NUP153: variants seen among roughly 807,000 people sequenced by gnomAD.
The protein encoded by NUP153 is nuclear pore complex protein Nup153.
NUP153 carries 27 observed loss-of-function variants against 134.6 expected under a neutral mutation model. The ratio of observed to expected loss-of-function variants is 0.20; its 90% CI spans 0.15 to 0.28. The LOEUF (loss-of-function observed/expected upper bound fraction) is 0.28. NUP153 is among the 10% of genes least tolerant of loss of function. NUP153 has a pLI of 1.00. For missense variants in NUP153, 1,821 were observed against 1,731.3 expected (o/e 1.05, Z -0.92); for synonymous variants, 640 against 623.5 (o/e 1.03, Z -0.40).
intron 1 of NUP153, among the ~76,000 whole-genome samples, chr6:17,689,768 G>A (rs1011317685): frequency 1.6e-4 from 24 of 151,746 alleles, no homozygotes; most frequent in African/African-American, 5.6e-4. Context: ...CAGGTGATCC[G>A]CCCACCTCTG....
chr6:17,663,106 T>C (rs967746601), intron 9 of NUP153, among the ~76,000 whole-genome samples: 2 of 152,098 alleles, frequency 1.3e-5, no homozygotes, highest in Non-Finnish European at 2.9e-5. Context: ...CTATGCATTA[T>C]GTAAGGGAAC....
At chr6:17,648,047 C>G (rs1766301820) in intron 12 of NUP153, 142 bp from the exon 13 acceptor site, 1 of 616,216 alleles carries the variant, frequency 1.6e-6, no homozygotes, top group African/African-American at 1.8e-5. Flanking sequence ...ACTTTAAATT[C>G]TGAAAAACAC....
intron 2 of NUP153, among the ~76,000 whole-genome samples, chr6:17,676,497 TTAAAA>T (rs1768230320): frequency 1.3e-5 from 2 of 152,136 alleles, no homozygotes; most frequent in Admixed American, 6.5e-5. Flanking sequence ...TATTAAATTA[TTAAAA>T]TAAATCATTT....
At chr6:17,632,923 G>A in intron 16 of NUP153, 79 bp from the exon 17 acceptor site, 1 of 1,030,430 alleles carries the variant, frequency 9.7e-7, no homozygotes, top group Non-Finnish European at 1.4e-6. Flanking sequence ...TATCTTAATG[G>A]CACTGCTAAG....
intron 1 of NUP153, among the ~76,000 whole-genome samples, chr6:17,705,835 C>T (rs1770447861): frequency 2.0e-5 from 3 of 151,930 alleles, no homozygotes. Flanking sequence ...TTCCAAGGGG[C>T]AGCCCCCCCT....
In NUP153 at chr6:17,625,579, C is replaced by T. The variant is rs576312247; in HGVS notation, c.3901+229G>A. ...AAGCTTAGAAAAATTAAGTATTACA[C>T]TCTTACCACAATTAGAAAAATTGCT... On this transcript the variant is annotated intron_variant, in intron 19 of 21. Transcript: ENST00000262077. This position sits in a 1 kb window ranked among gnomAD's most constrained non-coding sequence, Gnocchi z 4.7. Among the ~76,000 whole-genome samples, 3 of 152,168 alleles carry T rather than the reference C, an allele frequency of 2.0e-5. No homozygotes were observed. The South Asian group carries it at 6.2e-4, about 32-fold the overall frequency.
chr6:17,630,064 A>T (rs1015456359), intron 17 of NUP153, among the ~76,000 whole-genome samples: 6 of 152,234 alleles, frequency 3.9e-5, no homozygotes, highest in African/African-American at 9.6e-5. Flanking sequence ...AAAGGGGCAG[A>T]AAGGGAGTGC....
intron 20 of NUP153, among the ~76,000 whole-genome samples, chr6:17,621,962 A>T (rs1561850476): frequency 6.6e-6 from 1 of 151,938 alleles, no homozygotes; most frequent in Non-Finnish European, 1.5e-5. Context: ...ACTTTAAAAT[A>T]TTTTTTTAAA....
At chr6:17,622,626 GAAGA>G (rs1764704882) in intron 20 of NUP153, among the ~76,000 whole-genome samples, 2 of 151,866 alleles carry the variant, frequency 1.3e-5, no homozygotes, top group Admixed American at 6.6e-5. Flanking sequence ...TCTTTAACTG[GAAGA>G]AAGATCTCCT....
At chr6:17,661,957 TTAAA>T (rs1245921967) in intron 10 of NUP153, 57 bp downstream of exon 10, 1 of 1,342,040 alleles carries the variant, frequency 7.5e-7, no homozygotes, top group Non-Finnish European at 1.0e-6. Flanking sequence ...TACATGTAAA[TTAAA>T]TACAGACCTT....
intron 1 of NUP153, among the ~76,000 whole-genome samples, chr6:17,696,004 G>A (rs1162928474): frequency 1.0e-4 from 15 of 150,166 alleles, no homozygotes; most frequent in South Asian, 4.2e-4. Flanking sequence ...GTGAGACTCC[G>A]TCTCAAAAAA....
rs1486233712 is a variant in NUP153, at chr6:17,701,960, A to AC, written c.111+4316dup. On this transcript the variant is annotated intron_variant, in intron 1 of 21. Coordinates refer to ENST00000262077, the MANE Select transcript of NUP153 (RefSeq NM_005124.4). ...ATGTCTGAAGCATACTACCCACACC[A>AC]CCCCACCCCACCCCCATCCCGGGAC... Among the ~76,000 whole-genome samples the AC allele has an allele frequency of 9.0e-5, 13 of 144,490 alleles. No homozygotes were observed. The South Asian group carries it at 1.1e-3, about 12-fold the overall frequency. The allele number at this position is 144,490 out of a possible 152,430, so 94.8% of individuals were successfully genotyped here.
intron 14 of NUP153, among the ~76,000 whole-genome samples, chr6:17,640,946 T>C (rs1184300777): frequency 6.6e-6 from 1 of 151,990 alleles, no homozygotes; most frequent in East Asian, 1.9e-4. Flanking sequence ...CTTAAAAGTG[T>C]AGTTATGGGT....
chr6:17,668,352 T>A lies in NUP153; in HGVS notation c.1068+623A>T, dbSNP rs938990083. 3.0e-4 allele frequency among the ~76,000 whole-genome samples: 46 copies of A among 151,958 alleles called. 1 individual carries two copies. Among genetic ancestry groups the A allele is most frequent in the African/African-American group, 9.9e-4 (41 of 41,382 alleles). On this transcript the variant is annotated intron_variant, in intron 8 of 21. Transcript: ENST00000262077. Reference sequence around the variant, plus strand: ...GCCTGGGCCTCCCAAAGTGCTAGGATTACAGGCGTAAGCCACCGCACCTGG... The same window carrying A: ...GCCTGGGCCTCCCAAAGTGCTAGGAATACAGGCGTAAGCCACCGCACCTGG...
At chr6:17,701,991 G>C (rs924890710) in intron 1 of NUP153, among the ~76,000 whole-genome samples, 4 of 144,252 alleles carry the variant, frequency 2.8e-5, no homozygotes, top group Non-Finnish European at 5.9e-5. Flanking sequence ...GGGACAAAAA[G>C]GGCAAAAATA....
rs1768199024 is a variant in NUP153, at chr6:17,675,932, CAA to C, written c.335-164_335-163del. Reference sequence around the variant, plus strand: ...CAATATAACATACTCCTAGGCAAAACAAAGTTTCAACTAACTAAAATTAATTT... The same window carrying C: ...CAATATAACATACTCCTAGGCAAAACAGTTTCAACTAACTAAAATTAATTT... On this transcript the variant is annotated intron_variant, in intron 2 of 21. Coordinates refer to ENST00000262077, the MANE Select transcript of NUP153 (RefSeq NM_005124.4). This position sits in a 1 kb window ranked among gnomAD's most constrained non-coding sequence, Gnocchi z 4.4. 6.6e-6 allele frequency among the ~76,000 whole-genome samples: 1 copy of C among 152,142 alleles called. No homozygotes were observed. The highest frequency in any genetic ancestry group is 6.6e-5 in the Admixed American group (1 of 15,262).
At chr6:17,668,020 G>A (rs560413185) in intron 8 of NUP153, among the ~76,000 whole-genome samples, 1 of 149,446 alleles carries the variant, frequency 6.7e-6, no homozygotes, top group Non-Finnish European at 1.5e-5. Flanking sequence ...GGTTAATGAG[G>A]AAAGTATACA....
chr6:17,648,126 A>C (rs911660606), intron 12 of NUP153, among the ~76,000 whole-genome samples: 1 of 152,216 alleles, frequency 6.6e-6, no homozygotes, highest in Non-Finnish European at 1.5e-5. Flanking sequence ...TATTTGTATA[A>C]AAAAGTAAAG....
intron 13 of NUP153, 42 bp from the exon 14 acceptor site, chr6:17,646,196 G>T: frequency 1.9e-6 from 2 of 1,066,560 alleles, no homozygotes; most frequent in Non-Finnish European, 1.4e-6. Flanking sequence ...TTTTCAATAA[G>T]TATCAAATAT....
Sources: gnomAD v4.1 joint callset for allele counts (sites outside exome capture counted in the v4.1 genomes callset) on GRCh38, gnomAD v4.1.1 for gene constraint, Gnocchi (gnomAD v3.1) non-coding constraint, MANE v1.5 for transcripts, NCBI Gene and HGNC (gene_info 2026-07-23, HGNC 2026-07-21) for gene names.